The following OR51B5 variants were observed in gnomAD, a reference collection of about 807,000 sequenced individuals.
OR51B5 encodes olfactory receptor 51B5.
For synonymous variants in OR51B5, 186 were observed against 144.8 expected (o/e 1.28, Z -2.04); for missense variants, 456 against 374.6 (o/e 1.22, Z -1.79).
intron 1 of OR51B5, chr11:5,392,356 C>A (rs1029426380): frequency 1.3e-5 from 2 of 152,148 alleles, no homozygotes; most frequent in African/African-American, 4.8e-5. Flanking sequence ...ATATTCTTCT[C>A]CATGTTGAGA....
chr11:5,404,738 C>A (rs144341802), intron 1 of OR51B5, among the ~76,000 whole-genome samples: 1 of 152,108 alleles, frequency 6.6e-6, no homozygotes, highest in South Asian at 2.1e-4. Flanking sequence ...ACACTCACTG[C>A]GAAGGTCTGC....
intron 1 of OR51B5, among the ~76,000 whole-genome samples, chr11:5,402,336 C>T (rs1049596988): frequency 3.3e-5 from 5 of 152,100 alleles, no homozygotes; most frequent in African/African-American, 1.2e-4. Context: ...TTTCTTTCTG[C>T]CTATAATGTA....
chr11:5,504,493 G>C (rs1283344583), intron 1 of OR51B5, among the ~76,000 whole-genome samples: 2 of 152,170 alleles, frequency 1.3e-5, no homozygotes, highest in African/African-American at 4.8e-5. Flanking sequence ...ACTCAGATTT[G>C]ATCTTGGGCC....
intron 1 of OR51B5, chr11:5,431,190 C>T: frequency 2.7e-6 from 1 of 364,858 alleles, no homozygotes; most frequent in Middle Eastern, 4.6e-4. Flanking sequence ...GGGGCAGGGT[C>T]AGGATGGCTG....
At chr11:5,375,090 C>T (rs941885493) in intron 1 of OR51B5, among the ~76,000 whole-genome samples, 1 of 150,312 alleles carries the variant, frequency 6.7e-6, no homozygotes, top group African/African-American at 2.4e-5. Flanking sequence ...AGAGAAAGGT[C>T]GGGTTACCCA....
intron 1 of OR51B5, among the ~76,000 whole-genome samples, chr11:5,418,855 T>C (rs1223550756): frequency 7.4e-6 from 1 of 135,338 alleles, no homozygotes; most frequent in African/African-American, 2.7e-5. Flanking sequence ...TCTGCACATG[T>C]ACCCCAGAAC....
chr11:5,375,124 C>G (rs985220647), intron 1 of OR51B5, among the ~76,000 whole-genome samples: 1 of 148,932 alleles, frequency 6.7e-6, no homozygotes, highest in African/African-American at 2.5e-5. Flanking sequence ...ATCAGACTAA[C>G]AGCAGCTCTC....
chr11:5,466,504 A>G (rs758180220), intron 1 of OR51B5, among the ~76,000 whole-genome samples: 19 of 152,290 alleles, frequency 1.2e-4, no homozygotes, highest in Admixed American at 5.9e-4. Context: ...CTGAAATGTT[A>G]GCATTAATAA....
chr11:5,471,386 C>A (rs766771103), intron 1 of OR51B5, among the ~76,000 whole-genome samples: 6 of 152,022 alleles, frequency 3.9e-5, no homozygotes, highest in Non-Finnish European at 7.4e-5. Flanking sequence ...ACCTGTAATC[C>A]CAGCACTTTG....
intron 1 of OR51B5, among the ~76,000 whole-genome samples, chr11:5,443,706 C>A (rs973020883): frequency 6.6e-6 from 1 of 152,028 alleles, no homozygotes; most frequent in Non-Finnish European, 1.5e-5. Flanking sequence ...ACTTTGAAAA[C>A]TTTTCCTCCA....
intron 1 of OR51B5, among the ~76,000 whole-genome samples, chr11:5,366,395 G>C (rs1849368153): frequency 6.6e-6 from 1 of 151,946 alleles, no homozygotes; most frequent in Non-Finnish European, 1.5e-5. Flanking sequence ...TCACCTGAGG[G>C]CAAGAGTTCG....
intron 1 of OR51B5, among the ~76,000 whole-genome samples, chr11:5,478,951 G>T (rs9667192): frequency 6.6e-6 from 1 of 150,784 alleles, no homozygotes; most frequent in African/African-American, 2.4e-5. Flanking sequence ...GATATTATCC[G>T]GGAGAACTTC....
chr11:5,345,271 G>A (rs1385709684), upstream of OR51B5, among the ~76,000 whole-genome samples: 2 of 152,054 alleles, frequency 1.3e-5, no homozygotes, highest in East Asian at 3.9e-4. Flanking sequence ...AGAAGACTAA[G>A]CAAGAGACAA....
intron 1 of OR51B5, among the ~76,000 whole-genome samples, chr11:5,485,986 G>C (rs1445930809): frequency 1.3e-5 from 2 of 152,098 alleles, no homozygotes; most frequent in Non-Finnish European, 1.5e-5. Flanking sequence ...CTTTTAACAA[G>C]GGGAGATGAG....
intron 1 of OR51B5, chr11:5,383,688 A>AC (rs1220690604): frequency 1.3e-5 from 2 of 152,166 alleles, no homozygotes; most frequent in African/African-American, 2.4e-5. Flanking sequence ...GCTTCAGGAG[A>AC]CAGGGGTGGA....
At chr11:5,373,062 T>C (rs779913480) in intron 1 of OR51B5, among the ~76,000 whole-genome samples, 1 of 151,952 alleles carries the variant, frequency 6.6e-6, no homozygotes, top group South Asian at 2.1e-4. Context: ...ACCAACACAA[T>C]AGGGGAAGGA....
chr11:5,346,726 A>C (rs1848997455), upstream of OR51B5: 1 of 145,766 alleles, frequency 6.9e-6, no homozygotes, highest in African/African-American at 2.5e-5. Context: ...TGGACTATTG[A>C]GATCCTTCAC....
intron 1 of OR51B5, chr11:5,389,937 A>C: frequency 1.2e-6 from 2 of 1,611,148 alleles, no homozygotes; most frequent in Non-Finnish European, 1.7e-6. Context: ...GCTTTTCCCT[A>C]CTGTGGATCT....
chr11:5,375,315 A>G (rs1213305086), intron 1 of OR51B5, among the ~76,000 whole-genome samples: 1 of 151,782 alleles, frequency 6.6e-6, no homozygotes, highest in Non-Finnish European at 1.5e-5. Context: ...GCCTGACCTA[A>G]AAGAGCTCCT....
Sources: gnomAD v4.1 joint callset for allele counts (sites outside exome capture counted in the v4.1 genomes callset) on GRCh38, gnomAD v4.1.1 for gene constraint, MANE v1.5 for transcripts, NCBI Gene and HGNC (gene_info 2026-07-23, HGNC 2026-07-21) for gene names.